Variants in CAPRIN2 observed in about 807,000 individuals in gnomAD.
CAPRIN2 encodes caprin family member 2.
In CAPRIN2, 66 loss-of-function variants were observed where a neutral mutation model predicts 130.4. The observed-to-expected ratio is 0.51, with a 90% CI of 0.42 to 0.62. The LOEUF is 0.62. Among genes scored for constraint, CAPRIN2 ranks in the 20% least tolerant of loss-of-function variants. The pLI, the probability that CAPRIN2 is intolerant of heterozygous loss-of-function variation, is 0.00. For synonymous variants in CAPRIN2, 471 were observed against 444.1 expected, an observed-to-expected ratio of 1.06 and a Z score of -0.76; for missense variants, 1,185 against 1,246.6, an observed-to-expected ratio of 0.95 and a Z score of 0.74.
At chr12:30,715,256 G>C in intron 13 of CAPRIN2, 115 bp from the exon 16 acceptor site, 1 of 757,320 alleles carries the variant, frequency 1.3e-6, no homozygotes, top group Admixed American at 2.3e-5. Context: ...AAAATAAATA[G>C]GAGATACATA....
intron 4 of CAPRIN2, 126 bp downstream of exon 5, chr12:30,734,842 C>G: frequency 5.9e-6 from 4 of 680,006 alleles, no homozygotes; most frequent in Non-Finnish European, 1.0e-5. Context: ...TCTCTCTCCC[C>G]CTCTCTAACA....
In CAPRIN2 at chr12:30,710,649, C is replaced by T. The variant is rs918019122; in HGVS notation, c.2666-179G>A. On this transcript the variant is annotated intron_variant, in intron 16 of 16. Transcript: ENST00000298892. This position sits in a 1 kb window ranked among gnomAD's most constrained non-coding sequence, Gnocchi z 4.8. ...TTTTCTGGTAATAGGTTTTTACATACTCTTCTAAAGCCAGAAAGGTCCAAG... is the reference window on the plus strand; with the variant it reads ...TTTTCTGGTAATAGGTTTTTACATATTCTTCTAAAGCCAGAAAGGTCCAAG... 3 of 925,428 alleles carry T rather than the reference C, an allele frequency of 3.2e-6. No homozygotes were observed. The highest frequency in any genetic ancestry group is 1.8e-5 in the South Asian group (1 of 54,720). The allele number at this position is 925,428 out of a possible 1,614,324, so 57.3% of individuals were successfully genotyped here. A position where few individuals can be genotyped will look rare whatever the true frequency, so the allele number is the denominator to read the frequency against.
At chr12:30,747,412 T>C (rs2071134353) in intron 2 of CAPRIN2, among the ~76,000 whole-genome samples, 1 of 152,156 alleles carries the variant, frequency 6.6e-6, no homozygotes. Flanking sequence ...GCGTGATGGC[T>C]CACACCTGTA....
At chr12:30,719,046 G>T in intron 12 of CAPRIN2, 33 bp downstream of exon 14, 1 of 1,596,250 alleles carries the variant, frequency 6.3e-7, no homozygotes, top group Middle Eastern at 1.7e-4. Flanking sequence ...CAGGAATAAT[G>T]AACTGCAATC....
intron 15 of CAPRIN2, 65 bp from the exon 18 acceptor site, chr12:30,711,694 A>G: frequency 2.3e-6 from 3 of 1,313,844 alleles, no homozygotes; most frequent in Non-Finnish European, 3.3e-6. Flanking sequence ...GTTATTACAC[A>G]GGACTACCGG....
chr12:30,732,376 CTA>C (rs1199382161), intron 5 of CAPRIN2, among the ~76,000 whole-genome samples: 1 of 151,750 alleles, frequency 6.6e-6, no homozygotes, highest in African/African-American at 2.4e-5. Context: ...CATAGGAGTA[CTA>C]TGACAGATTT....
intron 2 of CAPRIN2, among the ~76,000 whole-genome samples, chr12:30,747,105 C>T (rs913174291): frequency 6.6e-6 from 1 of 152,180 alleles, no homozygotes; most frequent in Non-Finnish European, 1.5e-5. Flanking sequence ...AAGACTCATG[C>T]TAAATCTACT....
exon 1 of CAPRIN2, chr12:30,753,615 G>A (rs1188107444): frequency 6.2e-7 from 1 of 1,614,202 alleles, no homozygotes; most frequent in South Asian, 1.1e-5. Context: ...TGAGGCTGAA[G>A]GAGGTGGGGG....
intron 11 of CAPRIN2, 37 bp from the exon 13 acceptor site, chr12:30,720,952 C>A (rs1427793143): frequency 7.1e-7 from 1 of 1,413,560 alleles, no homozygotes; most frequent in African/African-American, 1.4e-5. Flanking sequence ...GTAAAAGGCA[C>A]ATTTTGTTCA....
intron 8 of CAPRIN2, among the ~76,000 whole-genome samples, chr12:30,727,001 TA>T (rs1366109395): frequency 6.6e-6 from 1 of 152,158 alleles, no homozygotes; most frequent in African/African-American, 2.4e-5. Flanking sequence ...AACTTCAATA[TA>T]ACGCTATCTG....
exon 15 of CAPRIN2, chr12:30,713,818 A>G (rs2056346010): frequency 6.2e-7 from 1 of 1,610,440 alleles, no homozygotes; most frequent in African/African-American, 1.3e-5. Context: ...AATACTCTCT[A>G]GCTTGGAACT....
rs936582899 is a variant in CAPRIN2 at position 30,735,064 on chromosome 12, C to T, written c.713G>A (p.Gly238Glu). ...CAAATACACTGCACCATTCAAACCC[C>T]CTTTGAAGTCTTTTTGTACGTGCTC... The change falls in exon 4 of 17, where the codon GGG becomes GAG. Residue 238 changes from glycine to glutamate, a missense_variant. By Grantham distance (98) the Gly-to-Glu change is moderately conservative. Around this residue, in one of 2 missense-constraint regions of CAPRIN2, gnomAD observed 1,104 missense variants for 1,104.3 expected, o/e 1.00. Transcript: ENST00000298892. 5.6e-6 allele frequency: 9 copies of T among 1,613,934 alleles called. No homozygotes were observed. In the African/African-American group the frequency reaches 1.1e-4, roughly 19 times the overall value.
intron 12 of CAPRIN2, 188 bp from the exon 14 acceptor site, chr12:30,719,413 T>C: frequency 1.7e-6 from 1 of 604,914 alleles, no homozygotes; most frequent in Admixed American, 3.1e-5. Flanking sequence ...AGTATTTGCT[T>C]TGCACAGCTT....
intron 2 of CAPRIN2, 59 bp downstream of exon 3, chr12:30,751,012 G>A (rs2073542962): frequency 8.3e-7 from 1 of 1,210,514 alleles, no homozygotes; most frequent in Non-Finnish European, 1.2e-6. Context: ...CTAAATCCAT[G>A]TAGTTTTATT....
rs375108290 is a variant in CAPRIN2, at chr12:30,720,807, T to C, written c.2148+4A>G. 2.8e-5 allele frequency: 44 copies of C among 1,558,352 alleles called. No homozygotes were observed. The highest frequency in any genetic ancestry group is 3.9e-5 in the Non-Finnish European group (44 of 1,130,430). On this transcript the variant is annotated splice_donor_region_variant and intron_variant, in intron 12 of 16. Coordinates refer to ENST00000298892, the Ensembl canonical transcript of CAPRIN2. ...AAAAGAAATTAAGACAATTGGTCTT[T>C]TACCTCAGGAGTCTCTGAGGTCATA...
At position 30,728,733 on chromosome 12, in the gene CAPRIN2, GA is replaced by G; in HGVS notation, c.1696del (p.Ser566LeufsTer7). On this transcript the variant is annotated frameshift_variant, in exon 8 of 17. Coordinates refer to ENST00000298892, the Ensembl canonical transcript of CAPRIN2. LOFTEE classifies it high-confidence loss of function. ...TGTAGCTACTCCCCAGGACTTTGGA[GA>G]AATCTGTGACTGTGATGTTAAAGAG... 6.2e-7 allele frequency: 1 copy of G among 1,614,138 alleles called. No homozygotes were observed. Among genetic ancestry groups the G allele is most frequent in the Non-Finnish European group, 8.5e-7 (1 of 1,180,014 alleles).
chr12:30,709,724 C>A, exon 17 of CAPRIN2: 1 of 613,158 alleles, frequency 1.6e-6, no homozygotes, highest in Non-Finnish European at 2.8e-6. Context: ...CAGATTAGTG[C>A]TAATTGTCAT....
At chr12:30,748,572 T>C (rs567942218) in intron 2 of CAPRIN2, among the ~76,000 whole-genome samples, 2 of 152,266 alleles carry the variant, frequency 1.3e-5, no homozygotes, top group Non-Finnish European at 2.9e-5. Flanking sequence ...ACTTGCTTTA[T>C]TGCAATCTTC....
chr12:30,728,580 A>G (rs2061628558), intron 8 of CAPRIN2, 68 bp downstream of exon 9: 2 of 1,381,544 alleles, frequency 1.4e-6, no homozygotes, highest in Admixed American at 2.4e-5. Context: ...AGAGAACTAA[A>G]AAGTCATTAC....
Sources: allele counts gnomAD v4.1 joint callset (sites outside exome capture counted in the v4.1 genomes callset), GRCh38; gene constraint gnomAD v4.1.1; regional missense constraint gnomAD v4.1.1; non-coding constraint Gnocchi (gnomAD v3.1); transcripts MANE v1.5; gene names NCBI Gene and HGNC (gene_info 2026-07-23, HGNC 2026-07-21).